NT5DC4: variants seen among roughly 807,000 people sequenced by gnomAD.
NT5DC4 encodes 5'-nucleotidase domain-containing protein 4.
A neutral mutation model predicts 26.6 loss-of-function variants in NT5DC4; 44 were observed. That is an observed-to-expected ratio of 1.65 (90% CI 1.30 to 2.13). The LOEUF (loss-of-function observed/expected upper bound fraction) is 2.13. Ranked by LOEUF, NT5DC4 falls within the 30% of genes most tolerant of loss-of-function variation. NT5DC4 has a pLI of 0.00. For synonymous variants in NT5DC4, 157 were observed against 86.7 expected, an observed-to-expected ratio of 1.81 and a Z score of -4.51; for missense variants, 399 against 228.1, an observed-to-expected ratio of 1.75 and a Z score of -4.83.
chr2:112,723,288 G>A, intron 7 of NT5DC4, 114 bp downstream of exon 7: 1 of 707,886 alleles, frequency 1.4e-6, no homozygotes, highest in South Asian at 1.5e-5. Flanking sequence ...ACTGAGGACT[G>A]AGGTCTGGTC....
In NT5DC4 at chr2:112,729,682, G is replaced by A. The variant is rs182890030; in HGVS notation, c.1322G>A (p.Cys441Tyr). 9.8e-6 allele frequency: 7 copies of A among 717,876 alleles called. No individual in the cohort carries two copies. In the East Asian group the frequency reaches 1.3e-4, roughly 14 times the overall value. The allele number at this position is 717,876 out of a possible 1,614,324, so 44.5% of individuals were successfully genotyped here. A position where few individuals can be genotyped will look rare whatever the true frequency, so the allele number is the denominator to read the frequency against. The change falls in exon 16 of 17, where the codon TGC becomes TAC. Residue 441 changes from cysteine (C) to tyrosine (Y), a missense_variant. Coordinates refer to ENST00000688554, the MANE Select transcript of NT5DC4 (RefSeq NM_001393655.1). ...QEQANLDPASCLLSCNQRFIK... is the reference protein window; with the variant it reads ...QEQANLDPASYLLSCNQRFIK... The stretch of plus-strand genomic sequence containing the variant: ...CAGGCCAATCTAGACCCTGCCTCCT[G>A]CCTCCTCTCCTGCAACCAGAGGGTG...
chr2:112,724,766 G>A lies in NT5DC4; in HGVS notation c.790-15G>A, dbSNP rs1677474085. ...ACCAGGCTGTGTGTGTGCAGCCCGT[G>A]TGCACCCCCAACAGGCTGAAGCCTC... On this transcript the variant is annotated splice_polypyrimidine_tract_variant and intron_variant, in intron 10 of 16. Coordinates refer to ENST00000688554, the MANE Select transcript of NT5DC4 (RefSeq NM_001393655.1). 1.4e-6 allele frequency: 1 copy of A among 716,678 alleles called. No homozygotes were observed. The highest frequency in any genetic ancestry group is 1.5e-5 in the South Asian group (1 of 67,586). The allele number at this position is 716,678 out of a possible 1,614,324, so 44.4% of individuals were successfully genotyped here.
At position 112,738,863 on chromosome 2, in the gene NT5DC4, G is replaced by A. The variant is rs769619426; in HGVS notation, c.1345-50G>A. ...TTGAAACCCCAATGTTACAGGCAGC[G>A]CCTCATTTCTACGGAATATAAAACA... On this transcript the variant is annotated intron_variant, in intron 16 of 16. Coordinates refer to ENST00000688554, the MANE Select transcript of NT5DC4 (RefSeq NM_001393655.1). 1.9e-5 allele frequency: 30 copies of A among 1,613,376 alleles called. No individual in the cohort carries two copies. The highest frequency in any genetic ancestry group is 3.3e-5 in the Admixed American group (2 of 59,994).
At chr2:112,719,731 G>A (rs529306107), upstream of NT5DC4, among the ~76,000 whole-genome samples, 9 of 151,818 alleles carry the variant, frequency 5.9e-5, no homozygotes, top group Middle Eastern at 3.4e-3. Context: ...TGATCTGCCC[G>A]CCTTGGCCTC....
At chr2:112,726,378 C>T (rs1053576462) in intron 14 of NT5DC4, 89 bp downstream of exon 14, 21 of 707,342 alleles carry the variant, frequency 3.0e-5, no homozygotes, top group African/African-American at 8.8e-5. Flanking sequence ...GGCGAGGTCC[C>T]GGCCAAGGTT....
downstream of NT5DC4, among the ~76,000 whole-genome samples, chr2:112,741,940 GTTTTTTTTTTTTT>G (rs57634251): frequency 5.1e-4 from 37 of 71,904 alleles, no homozygotes; most frequent in Non-Finnish European, 6.8e-4. Flanking sequence ...TTTCTTTTCT[GTTTTTTTTTTTTT>G]TTTTTTTTTT....
At chr2:112,726,999 C>T (rs1677833176) in intron 15 of NT5DC4, 9 of 539,978 alleles carry the variant, frequency 1.7e-5, no homozygotes, top group South Asian at 6.4e-5. Flanking sequence ...CTTTGCCAAT[C>T]ACCCTGCCCG....
In NT5DC4 at chr2:112,738,034, AAC is replaced by A. The variant is rs1430700463; in HGVS notation, c.1345-877_1345-876del. 7 of 152,314 alleles carry A rather than the reference AAC, an allele frequency of 4.6e-5. No homozygotes were observed. In the East Asian group the frequency reaches 1.3e-3, roughly 29 times the overall value. 9.4% of individuals were successfully genotyped at this position (152,314 alleles called of 1,614,324 possible). ...CCAGGAGGAAGAAAAAGCAACCTAC[AAC>A]AGTCTCTGGGGCTTGCACTGCCTTC... On this transcript the variant is annotated intron_variant, in intron 16 of 16. Coordinates refer to ENST00000688554, the MANE Select transcript of NT5DC4 (RefSeq NM_001393655.1).
At chr2:112,740,971 A>G, downstream of NT5DC4, 2 of 1,613,776 alleles carry the variant, frequency 1.2e-6, no homozygotes, top group Middle Eastern at 1.7e-4. Flanking sequence ...CACTGATGTT[A>G]TACTAGTTTC....
At chr2:112,736,709 C>T (rs1372556720) in intron 16 of NT5DC4, 1 of 152,164 alleles carries the variant, frequency 6.6e-6, no homozygotes, top group African/African-American at 2.4e-5. Flanking sequence ...TTGGGTCTGG[C>T]TTATTTCACT....
intron 16 of NT5DC4, among the ~76,000 whole-genome samples, chr2:112,730,066 A>G (rs112636934): frequency 0.014 from 2,079 of 152,200 alleles, 45 homozygotes; most frequent in African/African-American, 0.048. Flanking sequence ...TAATCCCAGC[A>G]CTTTGGGAGG....
At chr2:112,737,606 T>C (rs1679390765) in intron 16 of NT5DC4, 1 of 152,212 alleles carries the variant, frequency 6.6e-6, no homozygotes, top group African/African-American at 2.4e-5. Flanking sequence ...GAGTCTCTTA[T>C]TGAAAGTCTG....
At chr2:112,721,773 G>T in intron 1 of NT5DC4, 45 bp from the exon 2 acceptor site, 3 of 717,046 alleles carry the variant, frequency 4.2e-6, no homozygotes, top group South Asian at 1.5e-5. Context: ...CTTGGATTCT[G>T]GGGGGCTGGT....
intron 13 of NT5DC4, 38 bp from the exon 14 acceptor site, chr2:112,726,200 C>T (rs1477971363): frequency 2.8e-6 from 2 of 716,942 alleles, no homozygotes; most frequent in African/African-American, 1.7e-5. Flanking sequence ...GTGACACAGG[C>T]CGTCACTCAC....
At chr2:112,729,412 G>C (rs530424044) in intron 15 of NT5DC4, among the ~76,000 whole-genome samples, 90 of 152,336 alleles carry the variant, frequency 5.9e-4, no homozygotes, top group African/African-American at 2.1e-3. Context: ...GTGAGCCACC[G>C]CGCCTGGCCT....
chr2:112,728,689 A>C (rs532202128), intron 15 of NT5DC4, among the ~76,000 whole-genome samples: 131 of 152,312 alleles, frequency 8.6e-4, no homozygotes, highest in African/African-American at 3.1e-3. Flanking sequence ...TGTTTCCTGC[A>C]CTGGGCTGGG....
upstream of NT5DC4, among the ~76,000 whole-genome samples, chr2:112,719,936 T>TTCTTTCTTTC (rs1676703901): frequency 1.3e-5 from 1 of 76,194 alleles, no homozygotes; most frequent in South Asian, 4.3e-4. Context: ...CTTTCTTTCT[T>TTCTTTCTTTC]TCTTTCTTTC....
chr2:112,728,715 A>T (rs1574265123), intron 15 of NT5DC4, among the ~76,000 whole-genome samples: 1 of 152,228 alleles, frequency 6.6e-6, no homozygotes. Flanking sequence ...TTCATCGATT[A>T]TGCTTAATGC....
chr2:112,724,258 G>T (rs1046085764), intron 10 of NT5DC4, 132 bp downstream of exon 10: 2 of 687,012 alleles, frequency 2.9e-6, no homozygotes, highest in Admixed American at 2.0e-5. Flanking sequence ...TGTGTGAGTG[G>T]TCATTTCTCA....
Sources: gnomAD v4.1 joint callset for allele counts (sites outside exome capture counted in the v4.1 genomes callset) on GRCh38, gnomAD v4.1.1 for gene constraint, MANE v1.5 for transcripts, NCBI Gene and HGNC (gene_info 2026-07-23, HGNC 2026-07-21) for gene names.